GRAMD2B: variants seen among roughly 807,000 people sequenced by gnomAD.
GRAMD2B encodes the protein GRAM domain containing 2B.
In GRAMD2B, 41 loss-of-function variants were observed where a neutral mutation model predicts 59.2. The observed-to-expected ratio is 0.69, with a 90% CI of 0.54 to 0.90. GRAMD2B has a LOEUF of 0.90. Among genes scored for constraint, GRAMD2B ranks in the 40% least tolerant of loss-of-function variants. The pLI, the probability that GRAMD2B is intolerant of heterozygous loss-of-function variation, is 0.00. For missense variants in GRAMD2B, 424 were observed against 500.5 expected, an observed-to-expected ratio of 0.85 and a Z score of 1.46; for synonymous variants, 161 against 182.7, an observed-to-expected ratio of 0.88 and a Z score of 0.96.
chr5:126,395,810 T>C (rs911917342), intron 1 of GRAMD2B, among the ~76,000 whole-genome samples: 1 of 152,166 alleles, frequency 6.6e-6, no homozygotes, highest in African/African-American at 2.4e-5. Flanking sequence ...TTCAGTTTTA[T>C]TGAGGTATAG....
At chr5:126,400,108 C>T (rs1372440627) in intron 1 of GRAMD2B, among the ~76,000 whole-genome samples, 2 of 150,338 alleles carry the variant, frequency 1.3e-5, no homozygotes, top group Non-Finnish European at 3.0e-5. Flanking sequence ...TCTTTATCTT[C>T]TGTATGTCTA....
chr5:126,412,014 G>A (rs1446862333), intron 1 of GRAMD2B, among the ~76,000 whole-genome samples: 1 of 152,078 alleles, frequency 6.6e-6, no homozygotes. Flanking sequence ...TTTAGGCAGA[G>A]TCTTTAGGGT....
intron 1 of GRAMD2B, among the ~76,000 whole-genome samples, chr5:126,440,661 A>G (rs1315051887): frequency 6.6e-6 from 1 of 152,198 alleles, no homozygotes; most frequent in African/African-American, 2.4e-5. Flanking sequence ...AAAAACTACT[A>G]TATAATATGG....
At chr5:126,421,379 C>T (rs1759712073), upstream of GRAMD2B, among the ~76,000 whole-genome samples, 1 of 152,178 alleles carries the variant, frequency 6.6e-6, no homozygotes, top group Admixed American at 6.5e-5. Context: ...TTGACAACCT[C>T]ATCTCTGTTC....
At chr5:126,449,778 T>C (rs893897671) in intron 1 of GRAMD2B, among the ~76,000 whole-genome samples, 5 of 152,214 alleles carry the variant, frequency 3.3e-5, no homozygotes, top group Non-Finnish European at 7.3e-5. Flanking sequence ...GATGCCCGTG[T>C]TGATTCACTT....
At chr5:126,360,333 T>C (rs777342345) in exon 1 of GRAMD2B, 15 of 1,551,024 alleles carry the variant, frequency 9.7e-6, no homozygotes, top group Admixed American at 2.0e-5. Flanking sequence ...CTCTAGAAGA[T>C]GACAAGGAGA....
chr5:126,377,382 T>C (rs549374910), intron 1 of GRAMD2B, among the ~76,000 whole-genome samples: 17 of 152,188 alleles, frequency 1.1e-4, no homozygotes, highest in African/African-American at 4.1e-4. Flanking sequence ...GTTTCTACCC[T>C]CACTTATAAG....
chr5:126,390,518 C>T (rs1756632135), intron 1 of GRAMD2B, among the ~76,000 whole-genome samples: 1 of 152,152 alleles, frequency 6.6e-6, no homozygotes, highest in African/African-American at 2.4e-5. Context: ...CTTCTTTAGA[C>T]CCCAAAGAGG....
chr5:126,393,499 G>A lies in GRAMD2B; in HGVS notation c.125+21932G>A, dbSNP rs368953087. Among the ~76,000 whole-genome samples, 1,322 of 152,214 alleles carry A rather than the reference G, an allele frequency of 8.7e-3. 17 individuals are homozygous for A. Among genetic ancestry groups the A allele is most frequent in the Non-Finnish European group, 0.013 (889 of 68,000 alleles). On this transcript the variant is annotated intron_variant, in intron 1 of 8. Coordinates refer to the GRAMD2B transcript ENST00000506445. ...AAAATATATAGTAAATTCTTATTTA[G>A]CAGCAGCATTTAAATACTACAACAT...
intron 1 of GRAMD2B, among the ~76,000 whole-genome samples, chr5:126,401,199 C>G (rs1176165739): frequency 6.6e-6 from 1 of 151,942 alleles, no homozygotes; most frequent in Non-Finnish European, 1.5e-5. Flanking sequence ...TTCACAGATT[C>G]TTTCTCATGC....
intron 1 of GRAMD2B, among the ~76,000 whole-genome samples, chr5:126,381,059 C>A (rs1355326883): frequency 6.6e-6 from 1 of 151,990 alleles, no homozygotes; most frequent in Admixed American, 6.6e-5. Context: ...CTTTTATTAT[C>A]TTAAACTATG....
intron 1 of GRAMD2B, among the ~76,000 whole-genome samples, chr5:126,365,066 T>C (rs189571099): frequency 4.9e-4 from 74 of 152,354 alleles, no homozygotes; most frequent in Admixed American, 1.4e-3. Context: ...TTGATGATGA[T>C]AAAATGTTCA....
chr5:126,367,876 T>C (rs888848751), upstream of GRAMD2B, among the ~76,000 whole-genome samples: 8 of 152,210 alleles, frequency 5.3e-5, no homozygotes, highest in East Asian at 1.4e-3. Context: ...CTCAGCCTCC[T>C]GAGTAGCTGG....
intron 1 of GRAMD2B, among the ~76,000 whole-genome samples, chr5:126,444,490 C>G (rs748891920): frequency 6.6e-6 from 1 of 152,132 alleles, no homozygotes; most frequent in African/African-American, 2.4e-5. Flanking sequence ...GACAGGTGCC[C>G]TTTGAAGTAT....
At chr5:126,417,372 G>A (rs982297258) in intron 1 of GRAMD2B, among the ~76,000 whole-genome samples, 2 of 152,236 alleles carry the variant, frequency 1.3e-5, no homozygotes, top group African/African-American at 2.4e-5. Context: ...CATGCTGTAA[G>A]GCAGCCAAAG....
intron 1 of GRAMD2B, among the ~76,000 whole-genome samples, chr5:126,389,207 A>G (rs1756477740): frequency 6.6e-6 from 1 of 152,190 alleles, no homozygotes; most frequent in African/African-American, 2.4e-5. Flanking sequence ...TACCCCTCAT[A>G]GGGTTATTGT....
intron 1 of GRAMD2B, among the ~76,000 whole-genome samples, chr5:126,453,644 C>T (rs1277650296): frequency 6.6e-6 from 1 of 152,210 alleles, no homozygotes; most frequent in Non-Finnish European, 1.5e-5. Context: ...CCTCAAAATG[C>T]TACTGCTGTG....
Position 126,480,539 on chromosome 5 carries a change from G to T in GRAMD2B, c.654+12G>T. 1 of 1,610,356 alleles carries T rather than the reference G, an allele frequency of 6.2e-7. No homozygotes were observed. Among genetic ancestry groups the T allele is most frequent in the African/African-American group, 1.3e-5 (1 of 74,954 alleles). On this transcript the variant is annotated intron_variant, in intron 7 of 13. Transcript: ENST00000285689. The stretch of plus-strand genomic sequence containing the variant: ...GTGGACACTTAGAAGTGAGTATGAT[G>T]TCCCTGAGCCTCAATTACTGTCTCT...
At chr5:126,466,412 T>G in intron 2 of GRAMD2B, 4 of 722,354 alleles carry the variant, frequency 5.5e-6, no homozygotes, top group Non-Finnish European at 7.4e-6. Context: ...TCCTGCATGC[T>G]GTTTTGTGGC....
Sources: gnomAD v4.1 joint callset for allele counts (sites outside exome capture counted in the v4.1 genomes callset) on GRCh38, gnomAD v4.1.1 for gene constraint, MANE v1.5 for transcripts, NCBI Gene and HGNC (gene_info 2026-07-23, HGNC 2026-07-21) for gene names.